CSMD2: variants seen among roughly 807,000 people sequenced by gnomAD.
CSMD2 encodes the protein CUB and Sushi multiple domains 2, also known as CUB and sushi domain-containing protein 2.
Under a neutral mutation model 398.5 loss-of-function variants are expected in CSMD2, and 130 were observed. The observed-to-expected ratio is 0.33, with a 90% CI of 0.28 to 0.38. The LOEUF (loss-of-function observed/expected upper bound fraction) is 0.38, where lower values mean the gene tolerates loss of function less well. Among genes scored for constraint, CSMD2 ranks in the 10% least tolerant of loss-of-function variants. The probability of loss-of-function intolerance (pLI) is 1.00; values close to 1 mark genes in which losing one functional copy is unlikely to be tolerated. For synonymous variants in CSMD2, 1,828 were observed against 1,908.5 expected (o/e 0.96, Z 1.10); for missense variants, 3,829 against 4,764.9 (o/e 0.80, Z 5.78).
At chr1:33,742,474 CTGTT>C (rs1275768205) in intron 14 of CSMD2, among the ~76,000 whole-genome samples, 4 of 152,010 alleles carry the variant, frequency 2.6e-5, no homozygotes, top group Non-Finnish European at 4.4e-5. Context: ...CCTCACTTGA[CTGTT>C]TGTCATCAGC....
chr1:33,563,899 A>G (rs1296279933), intron 53 of CSMD2, among the ~76,000 whole-genome samples: 2 of 152,178 alleles, frequency 1.3e-5, no homozygotes, highest in Admixed American at 1.3e-4. Context: ...ATGTACTGGC[A>G]GCTAACACAG....
chr1:33,869,778 T>C (rs1256665413), intron 5 of CSMD2, among the ~76,000 whole-genome samples: 1 of 152,060 alleles, frequency 6.6e-6, no homozygotes, highest in Non-Finnish European at 1.5e-5. Flanking sequence ...CAGTTAGCCC[T>C]CCCCACTCTC....
At chr1:33,971,315 T>C (rs1278493919) in intron 3 of CSMD2, among the ~76,000 whole-genome samples, 1 of 152,204 alleles carries the variant, frequency 6.6e-6, no homozygotes, top group Non-Finnish European at 1.5e-5. Context: ...CTCATGTGCA[T>C]GGGTGAGCCA....
intron 53 of CSMD2, among the ~76,000 whole-genome samples, chr1:33,560,022 T>C (rs942102786): frequency 6.6e-6 from 1 of 152,196 alleles, no homozygotes; most frequent in Admixed American, 6.5e-5. Context: ...GGAGTTCAGT[T>C]AGTGCACTTT....
chr1:33,894,400 C>T (rs528266297), intron 5 of CSMD2, among the ~76,000 whole-genome samples: 1 of 152,308 alleles, frequency 6.6e-6, no homozygotes, highest in East Asian at 1.9e-4. Flanking sequence ...GCCACTTTGC[C>T]CATGTGCACA....
In CSMD2 at chr1:33,955,336, C is replaced by T. The variant is rs373792295; in HGVS notation, c.518-19382G>A. Among the ~76,000 whole-genome samples the T allele has an allele frequency of 4.3e-4, 66 of 152,228 alleles. No individual in the cohort carries two copies. The South Asian group carries it at 4.4e-3, about 10-fold the overall frequency. ...CAAGCAAACGCGGTGTCAGCTTCCA[C>T]GCAGGAGGCTGAGCATGGAGCATCC... On this transcript the variant is annotated intron_variant, in intron 3 of 70. Coordinates refer to ENST00000373381, the MANE Select transcript of CSMD2 (RefSeq NM_001281956.2).
At chr1:33,918,426 T>C (rs1643835417) in intron 4 of CSMD2, 125 bp from the exon 5 acceptor site, 4 of 777,070 alleles carry the variant, frequency 5.1e-6, no homozygotes, top group South Asian at 3.6e-5. Flanking sequence ...TTTGTGGACA[T>C]AGATAAAGCA....
At position 34,057,700 on chromosome 1, in the gene CSMD2, G is replaced by T. The variant is rs562894750; in HGVS notation, c.405-24994C>A. Among the ~76,000 whole-genome samples the T allele has an allele frequency of 3.3e-5, 5 of 152,234 alleles. No homozygotes were observed. The East Asian group carries it at 9.7e-4, about 29-fold the overall frequency. Reference sequence around the variant, plus strand: ...TTTGTCCCCAGTGCCTGATAATTAGGCTGTGTTTGTTAAACCATGGGCTCC... The same window carrying T: ...TTTGTCCCCAGTGCCTGATAATTAGTCTGTGTTTGTTAAACCATGGGCTCC... On this transcript the variant is annotated intron_variant, in intron 2 of 70. Transcript: ENST00000373381.
At chr1:33,967,589 C>G (rs7548678) in intron 3 of CSMD2, among the ~76,000 whole-genome samples, 7,137 of 152,258 alleles carry the variant, frequency 0.047, 260 homozygotes, top group East Asian at 0.17. Flanking sequence ...GGTCACCCAA[C>G]AGGTGTTCTA....
intron 28 of CSMD2, among the ~76,000 whole-genome samples, chr1:33,649,034 A>AT (rs1336827191): frequency 6.6e-6 from 1 of 152,174 alleles, no homozygotes; most frequent in Non-Finnish European, 1.5e-5. Context: ...TAAAGTTTAT[A>AT]TTTTTTATTT....
At chr1:33,607,505 C>T (rs148543182) in intron 41 of CSMD2, among the ~76,000 whole-genome samples, 2,086 of 152,216 alleles carry the variant, frequency 0.014, 36 homozygotes, top group Non-Finnish European at 0.017. Flanking sequence ...CCGCTCCGTA[C>T]GGCGGAGGAA....
chr1:34,119,229 T>G (rs1380652997), intron 1 of CSMD2, among the ~76,000 whole-genome samples: 1 of 152,148 alleles, frequency 6.6e-6, no homozygotes, highest in Non-Finnish European at 1.5e-5. Context: ...TGCAGAAGAA[T>G]AAAGTTGGAC....
intron 62 of CSMD2, among the ~76,000 whole-genome samples, chr1:33,536,287 G>A (rs569783432): frequency 7.0e-4 from 106 of 152,150 alleles, no homozygotes; most frequent in South Asian, 1.9e-3. Flanking sequence ...GCAGTGGTGC[G>A]ATCTTGGCTC....
chr1:33,879,041 A>T (rs529567462), intron 5 of CSMD2, among the ~76,000 whole-genome samples: 12 of 152,334 alleles, frequency 7.9e-5, no homozygotes, highest in African/African-American at 2.6e-4. Context: ...ATGCAGACCA[A>T]CACAATCAAA....
intron 24 of CSMD2, among the ~76,000 whole-genome samples, chr1:33,695,691 A>AATGCAAACAAGTCACTG (rs1405662712): frequency 1.3e-5 from 2 of 152,236 alleles, no homozygotes; most frequent in East Asian, 3.8e-4. Context: ...ATCTTTATCA[A>AATGCAAACAAGTCACTG]ATGCAAACAA....
chr1:33,873,782 G>A (rs1640639371), intron 5 of CSMD2: 1 of 152,186 alleles, frequency 6.6e-6, no homozygotes, highest in South Asian at 2.1e-4. Context: ...GAGAAAATAT[G>A]AGCTAATAAA....
intron 3 of CSMD2, among the ~76,000 whole-genome samples, chr1:33,951,625 C>G (rs879389333): frequency 6.6e-6 from 1 of 152,214 alleles, no homozygotes; most frequent in African/African-American, 2.4e-5. Flanking sequence ...CTTCCTTCTC[C>G]AATCCTCGCT....
chr1:34,068,264 G>A (rs952214413), intron 2 of CSMD2, among the ~76,000 whole-genome samples: 6 of 152,126 alleles, frequency 3.9e-5, no homozygotes, highest in Non-Finnish European at 7.4e-5. Context: ...TCATTCTCCC[G>A]TGGTCCCACT....
At chr1:34,085,402 TA>T (rs34420184) in intron 2 of CSMD2, among the ~76,000 whole-genome samples, 2 of 136,604 alleles carry the variant, frequency 1.5e-5, no homozygotes, top group South Asian at 4.7e-4. Context: ...ATAATAATAA[TA>T]AATAAATAAA....
Sources: allele counts gnomAD v4.1 joint callset (sites outside exome capture counted in the v4.1 genomes callset), GRCh38; gene constraint gnomAD v4.1.1; transcripts MANE v1.5; gene names NCBI Gene and HGNC (gene_info 2026-07-23, HGNC 2026-07-21).